Variants in TBR1 observed in about 807,000 individuals in gnomAD.
TBR1 encodes T-box brain protein 1.
In TBR1, 7 loss-of-function variants were observed where a neutral mutation model predicts 60.3. That is an observed-to-expected ratio of 0.12 (90% CI 0.07 to 0.22). TBR1 has a LOEUF of 0.22. TBR1 is among the 10% of genes least tolerant of loss of function. The pLI, the probability that TBR1 is intolerant of heterozygous loss-of-function variation, is 1.00. For missense variants in TBR1, 616 were observed against 936.8 expected, an observed-to-expected ratio of 0.66 and a Z score of 4.47; for synonymous variants, 417 against 409.9, an observed-to-expected ratio of 1.02 and a Z score of -0.21.
chr2:161,417,897 TG>T lies in TBR1; in HGVS notation c.847+68del. Reference sequence around the variant, plus strand: ...GGTGAGAATGATTAATTAAAGCCTTTGTGGACTGGCTCGAGCGACTTTTAAA... The same window carrying T: ...GGTGAGAATGATTAATTAAAGCCTTTTGGACTGGCTCGAGCGACTTTTAAA... On this transcript the variant is annotated intron_variant, in intron 2 of 5. Transcript: ENST00000389554. This position sits in a 1 kb window ranked among gnomAD's most constrained non-coding sequence, Gnocchi z 5.3. 1 of 1,565,608 alleles carries T rather than the reference TG, an allele frequency of 6.4e-7. No individual in the cohort carries two copies. The highest frequency in any genetic ancestry group is 2.3e-5 in the East Asian group (1 of 43,466).
chr2:161,417,251 G>C lies in TBR1; in HGVS notation c.692+149G>C. ...GCTAGTTTTGGAAAGGGGGAAAGTG[G>C]AAGGGATAACCGCCAGGGTGATGTT... On this transcript the variant is annotated intron_variant, in intron 1 of 5. Coordinates refer to ENST00000389554, the MANE Select transcript of TBR1 (RefSeq NM_006593.4). This position sits in a 1 kb window ranked among gnomAD's most constrained non-coding sequence, Gnocchi z 5.3. The C allele has an allele frequency of 1.3e-6, 1 of 799,816 alleles. No homozygotes were observed. Among genetic ancestry groups the C allele is most frequent in the Non-Finnish European group, 1.9e-6 (1 of 515,858 alleles). 49.5% of individuals were successfully genotyped at this position (799,816 alleles called of 1,614,324 possible).
At position 161,423,638 on chromosome 2, in the gene TBR1, C is replaced by A; in HGVS notation, c.1460C>A (p.Thr487Lys). 6.5e-7 allele frequency: 1 copy of A among 1,539,346 alleles called. No homozygotes were observed. Among genetic ancestry groups the A allele is most frequent in the Non-Finnish European group, 8.7e-7 (1 of 1,151,414 alleles). The part of the protein sequence containing the change: ...GAPSPQRWFV[T>K]PANNRLDFAA... ...CCCTCGCCGCAACGCTGGTTTGTGA[C>A]GCCGGCCAACAACCGGCTGGACTTC... The change falls in exon 6 of 6, where the codon ACG (threonine) becomes AAG (lysine). Residue 487 changes from threonine (T) to lysine (K), a missense_variant. By Grantham distance (78) the Thr-to-Lys change is moderately conservative. Around this residue, in one of 8 missense-constraint regions of TBR1, gnomAD observed 210 missense variants for 297.4 expected, o/e 0.71. Coordinates refer to ENST00000389554, the MANE Select transcript of TBR1 (RefSeq NM_006593.4).
rs974187675 is a variant in TBR1, at chr2:161,416,828, G to C, written c.418G>C (p.Gly140Arg). ...ACCGGCGCACCCCGCCTTCTCCATC[G>C]GCAGCCCTAGCCGCTACATGGCCCA... Reference protein sequence around the residue: ...HGPAHPAFSIGSPSRYMAHHP... With the variant: ...HGPAHPAFSIRSPSRYMAHHP... The change falls in exon 1 of 6, where the codon GGC (glycine) becomes CGC (arginine). Residue 140 changes from glycine to arginine, a missense_variant. Physicochemically the swap from Gly to Arg is moderately radical, Grantham distance 125. Around this residue, in one of 8 missense-constraint regions of TBR1, gnomAD observed 211 missense variants for 268.7 expected, o/e 0.79. Coordinates refer to ENST00000389554, the MANE Select transcript of TBR1 (RefSeq NM_006593.4). The surrounding 1 kb of genome is among the most constrained non-coding windows in gnomAD (Gnocchi z 6.1). 2.5e-6 allele frequency: 4 copies of C among 1,613,908 alleles called. No individual in the cohort carries two copies. Among genetic ancestry groups the C allele is most frequent in the Non-Finnish European group, 3.4e-6 (4 of 1,179,982 alleles).
Position 161,416,390 on chromosome 2 carries a change from G to T in TBR1, c.-21G>T. 6.5e-7 allele frequency: 1 copy of T among 1,533,574 alleles called. No individual in the cohort carries two copies. Among genetic ancestry groups the T allele is most frequent in the Non-Finnish European group, 8.8e-7 (1 of 1,141,132 alleles). The allele number at this position is 1,533,574 out of a possible 1,614,324, so 95.0% of individuals were successfully genotyped here. Reference sequence around the variant, plus strand: ...CTTTAAAAACCAGGGACGGGAGGGCGAGTGTTCAGGTTCTAGAGCTATGCA... The same window carrying T: ...CTTTAAAAACCAGGGACGGGAGGGCTAGTGTTCAGGTTCTAGAGCTATGCA... On this transcript the variant is annotated 5_prime_UTR_variant, in exon 1 of 6. Coordinates refer to ENST00000389554, the MANE Select transcript of TBR1 (RefSeq NM_006593.4). The surrounding 1 kb of genome is among the most constrained non-coding windows in gnomAD (Gnocchi z 6.1).
chr2:161,423,981 C>A lies in TBR1; in HGVS notation c.1803C>A (p.Ala601=). Residue 601 remains alanine (A), a synonymous_variant, in exon 6 of 6, where the codon GCC becomes GCA. Transcript: ENST00000389554. ...AERSPLPPGA[A]EDAKPKDLSD... ...GCTCGCCGCTGCCGCCCGGCGCCGC[C>A]GAGGACGCCAAGCCCAAGGACCTGT... The A allele has an allele frequency of 1.3e-6, 2 of 1,553,750 alleles. No homozygotes were observed. The highest frequency in any genetic ancestry group is 1.7e-6 in the Non-Finnish European group (2 of 1,148,846).
At position 161,423,828 on chromosome 2, in the gene TBR1, C is replaced by G; in HGVS notation, c.1650C>G (p.Pro550=). 1 of 1,471,976 alleles carries G rather than the reference C, an allele frequency of 6.8e-7. No homozygotes were observed. Among genetic ancestry groups the G allele is most frequent in the Non-Finnish European group, 9.0e-7 (1 of 1,115,400 alleles). The allele number at this position is 1,471,976 out of a possible 1,614,324, so 91.2% of individuals were successfully genotyped here. Residue 550 remains proline (P), a synonymous_variant, in exon 6 of 6, where the codon CCC becomes CCG. Transcript: ENST00000389554. ...CGTCGGGCTGGGGCGCCCGCAGTCC[C>G]CCGCAGTACTGCGGCACCAAGTCGG... ...ADPSGWGARS[P]PQYCGTKSGS... is the part of the protein sequence containing the mutation.
In TBR1 at chr2:161,416,382, G is replaced by C; in HGVS notation, c.-29G>C. On this transcript the variant is annotated 5_prime_UTR_variant, in exon 1 of 6. Coordinates refer to ENST00000389554, the MANE Select transcript of TBR1 (RefSeq NM_006593.4). This position sits in a 1 kb window ranked among gnomAD's most constrained non-coding sequence, Gnocchi z 6.1. ...AAATAGGACTTTAAAAACCAGGGAC[G>C]GGAGGGCGAGTGTTCAGGTTCTAGA... 1 of 1,516,602 alleles carries C rather than the reference G, an allele frequency of 6.6e-7. No homozygotes were observed. Among genetic ancestry groups the C allele is most frequent in the Non-Finnish European group, 8.9e-7 (1 of 1,128,158 alleles). 93.9% of individuals were successfully genotyped at this position (1,516,602 alleles called of 1,614,324 possible).
chr2:161,418,362 C>G, intron 3 of TBR1, 40 bp downstream of exon 3: 1 of 1,596,316 alleles, frequency 6.3e-7, no homozygotes, highest in Non-Finnish European at 8.5e-7. Context: ...TCTCTCTCAC[C>G]CCTTCCTCCC....
At chr2:161,420,918 T>C (rs1255190590) in intron 5 of TBR1, 3 of 152,126 alleles carry the variant, frequency 2.0e-5, no homozygotes, top group East Asian at 3.8e-4. Context: ...AAAAGAAAAA[T>C]ATTTCCTCTT....
rs1559059725 is a variant in TBR1 at position 161,416,409 on chromosome 2, C to G, written c.-2C>G. 1 of 1,582,536 alleles carries G rather than the reference C, an allele frequency of 6.3e-7. No individual in the cohort carries two copies. The highest frequency in any genetic ancestry group is 1.7e-5 in the Admixed American group (1 of 57,278). On this transcript the variant is annotated 5_prime_UTR_variant, in exon 1 of 6. Transcript: ENST00000389554. This position sits in a 1 kb window ranked among gnomAD's most constrained non-coding sequence, Gnocchi z 6.1. ...GAGGGCGAGTGTTCAGGTTCTAGAG[C>G]TATGCAGCTGGAGCACTGCCTTTCT...
chr2:161,417,735 A>G lies in TBR1; in HGVS notation c.752A>G (p.Asn251Ser). The change falls in exon 2 of 6, where the codon AAT becomes AGT. Residue 251 changes from asparagine (N) to serine (S), a missense_variant. Coordinates refer to ENST00000389554, the MANE Select transcript of TBR1 (RefSeq NM_006593.4). This position sits in a 1 kb window ranked among gnomAD's most constrained non-coding sequence, Gnocchi z 5.3. Reference sequence around the variant, plus strand: ...GGTCTCGATCCCACGGCTCATTACAATATTTTTGTGGATGTGATTTTGGCG... The same window carrying G: ...GGTCTCGATCCCACGGCTCATTACAGTATTTTTGTGGATGTGATTTTGGCG... ...ISGLDPTAHYNIFVDVILADP... is the reference protein window; with the variant it reads ...ISGLDPTAHYSIFVDVILADP... 6.2e-7 allele frequency: 1 copy of G among 1,613,944 alleles called. No homozygotes were observed. The highest frequency in any genetic ancestry group is 8.5e-7 in the Non-Finnish European group (1 of 1,180,002).
intron 3 of TBR1, chr2:161,418,527 T>C (rs1384668170): frequency 2.8e-6 from 2 of 727,152 alleles, no homozygotes; most frequent in Non-Finnish European, 4.3e-6. Context: ...GGCCCAATTT[T>C]GGAGTGCCCG....
chr2:161,418,099 T>TGTGG (rs974772046), intron 2 of TBR1, 102 bp from the exon 3 acceptor site: 83 of 689,140 alleles, frequency 1.2e-4, no homozygotes, highest in Non-Finnish European at 1.5e-4. Flanking sequence ...TGTGTGTATG[T>TGTGG]GTGTGTGTGT....
chr2:161,423,477 G>A lies in TBR1; in HGVS notation c.1299G>A (p.Gln433=), dbSNP rs571608834. 2.1e-5 allele frequency: 34 copies of A among 1,607,186 alleles called. No homozygotes were observed. The Admixed American group carries it at 4.9e-4, about 23-fold the overall frequency. The change falls in exon 6 of 6, where the codon CAG becomes CAA. Residue 433 remains glutamine (Q), a synonymous_variant. Transcript: ENST00000389554. ...ARYAMAGSFL[Q]DQFVSNYAKA... ...ACGCCATGGCCGGCTCTTTCCTGCAGGACCAGTTCGTGAGCAACTACGCCA... is the reference window on the plus strand; with the variant it reads ...ACGCCATGGCCGGCTCTTTCCTGCAAGACCAGTTCGTGAGCAACTACGCCA...
In TBR1 at chr2:161,417,978, G is replaced by A. The variant is rs1234298521; in HGVS notation, c.847+148G>A. ...CGAGGGGGACAGGGGGACAGACTGA[G>A]CTGCGAGAAGGGGGAGGATTATGCA... On this transcript the variant is annotated intron_variant, in intron 2 of 5. Coordinates refer to ENST00000389554, the MANE Select transcript of TBR1 (RefSeq NM_006593.4). This position sits in a 1 kb window ranked among gnomAD's most constrained non-coding sequence, Gnocchi z 5.3. 2.1e-6 allele frequency: 3 copies of A among 1,455,288 alleles called. No homozygotes were observed. The highest frequency in any genetic ancestry group is 1.8e-6 in the Non-Finnish European group (2 of 1,103,920). The allele number at this position is 1,455,288 out of a possible 1,614,324, so 90.1% of individuals were successfully genotyped here. A position where few individuals can be genotyped will look rare whatever the true frequency, so the allele number is the denominator to read the frequency against.
At position 161,416,383 on chromosome 2, in the gene TBR1, G is replaced by A. The variant is rs996458243; in HGVS notation, c.-28G>A. On this transcript the variant is annotated 5_prime_UTR_variant, in exon 1 of 6. Transcript: ENST00000389554. The surrounding 1 kb of genome is among the most constrained non-coding windows in gnomAD (Gnocchi z 6.1). ...AATAGGACTTTAAAAACCAGGGACG[G>A]GAGGGCGAGTGTTCAGGTTCTAGAG... The A allele has an allele frequency of 2.6e-6, 4 of 1,521,636 alleles. No individual in the cohort carries two copies. The highest frequency in any genetic ancestry group is 3.5e-6 in the Non-Finnish European group (4 of 1,131,784). 94.3% of individuals were successfully genotyped at this position (1,521,636 alleles called of 1,614,324 possible).
At chr2:161,418,669 CT>C (rs886079236) in intron 3 of TBR1, 36 of 635,960 alleles carry the variant, frequency 5.7e-5, no homozygotes, top group Admixed American at 1.1e-4. Flanking sequence ...CGGCTTCCCC[CT>C]TTTTTCCGGT....
rs1282982446 is a variant in TBR1, at chr2:161,418,921, C to T, written c.999C>T (p.Tyr333=). ...TGGTTTTACAGTCCTTGCACAAGTACCAGCCCCGCCTGCATGTGGTGGAAG... is the reference window on the plus strand; with the variant it reads ...TGGTTTTACAGTCCTTGCACAAGTATCAGCCCCGCCTGCATGTGGTGGAAG... ...QMVVLQSLHK[Y]QPRLHVVEVN... is the part of the protein sequence containing the mutation. Residue 333 remains tyrosine, a synonymous_variant, in exon 4 of 6, where the codon TAC becomes TAT. Transcript: ENST00000389554. 1 of 1,614,058 alleles carries T rather than the reference C, an allele frequency of 6.2e-7. No individual in the cohort carries two copies. The highest frequency in any genetic ancestry group is 8.5e-7 in the Non-Finnish European group (1 of 1,180,030).
At position 161,417,907 on chromosome 2, in the gene TBR1, C is replaced by T; in HGVS notation, c.847+77C>T. 6.5e-7 allele frequency: 1 copy of T among 1,528,442 alleles called. No homozygotes were observed. The highest frequency in any genetic ancestry group is 8.8e-7 in the Non-Finnish European group (1 of 1,137,112). The allele number at this position is 1,528,442 out of a possible 1,614,324, so 94.7% of individuals were successfully genotyped here. A position where few individuals can be genotyped will look rare whatever the true frequency, so the allele number is the denominator to read the frequency against. On this transcript the variant is annotated intron_variant, in intron 2 of 5. Transcript: ENST00000389554. The surrounding 1 kb of genome is among the most constrained non-coding windows in gnomAD (Gnocchi z 5.3). ...ATTAATTAAAGCCTTTGTGGACTGG[C>T]TCGAGCGACTTTTAAAACGATCGGC...
Sources: allele counts gnomAD v4.1 joint callset, GRCh38; gene constraint gnomAD v4.1.1; regional missense constraint gnomAD v4.1.1; non-coding constraint Gnocchi (gnomAD v3.1); transcripts MANE v1.5; gene names NCBI Gene and HGNC (gene_info 2026-07-23, HGNC 2026-07-21).